Variants in KCNMB2 observed in about 807,000 individuals in gnomAD.
KCNMB2 encodes the protein calcium-activated potassium channel subunit beta-2.
Under a neutral mutation model 24.5 loss-of-function variants are expected in KCNMB2, and 9 were observed. The observed-to-expected ratio is 0.37, with a 90% CI of 0.22 to 0.64. The LOEUF is 0.64. Among genes scored for constraint, KCNMB2 ranks in the 30% least tolerant of loss-of-function variants. The pLI is 0.63. For synonymous variants in KCNMB2, 109 were observed against 104.4 expected (o/e 1.04, Z -0.27); for missense variants, 226 against 284.3 (o/e 0.79, Z 1.47).
chr3:178,786,984 C>A (rs945748678), intron 1 of KCNMB2, among the ~76,000 whole-genome samples: 1 of 152,058 alleles, frequency 6.6e-6, no homozygotes, highest in Non-Finnish European at 1.5e-5. Context: ...GTGAAAGGAA[C>A]CTTAGACTCA....
At chr3:178,663,796 A>G (rs1480623252) in intron 1 of KCNMB2, among the ~76,000 whole-genome samples, 1 of 152,126 alleles carries the variant, frequency 6.6e-6, no homozygotes, top group East Asian at 1.9e-4. Flanking sequence ...GGCTTTCCCT[A>G]TAGGCATCTG....
intron 1 of KCNMB2, among the ~76,000 whole-genome samples, chr3:178,778,466 A>ACGCACGTGCGCGCGCGCGCG (rs1335954249): frequency 2.3e-5 from 2 of 88,466 alleles, no homozygotes; most frequent in African/African-American, 1.0e-4. Context: ...ACACACACAC[A>ACGCACGTGCGCGCGCGCGCG]CACACACACA....
intron 1 of KCNMB2, among the ~76,000 whole-genome samples, chr3:178,617,574 G>A (rs1718752688): frequency 6.7e-6 from 1 of 149,438 alleles, no homozygotes; most frequent in Non-Finnish European, 1.5e-5. Flanking sequence ...AAAGGTGAAA[G>A]TATCAAAATA....
At chr3:178,826,259 C>T (rs1393620658) in intron 3 of KCNMB2, among the ~76,000 whole-genome samples, 2 of 152,148 alleles carry the variant, frequency 1.3e-5, no homozygotes, top group South Asian at 2.1e-4. Flanking sequence ...CCCAGAAACT[C>T]TTAAAAATGC....
At chr3:178,817,594 T>C (rs908118449) in intron 2 of KCNMB2, among the ~76,000 whole-genome samples, 4 of 152,144 alleles carry the variant, frequency 2.6e-5, no homozygotes, top group South Asian at 2.1e-4. Context: ...CATTGCCTCA[T>C]AGGTACACCT....
At chr3:178,836,840 T>C (rs961758094) in intron 4 of KCNMB2, among the ~76,000 whole-genome samples, 15 of 152,200 alleles carry the variant, frequency 9.9e-5, no homozygotes, top group African/African-American at 3.1e-4. Flanking sequence ...GATGTTTATT[T>C]TTTCTATCTA....
At chr3:178,658,191 A>G (rs897150585) in intron 1 of KCNMB2, among the ~76,000 whole-genome samples, 4 of 152,234 alleles carry the variant, frequency 2.6e-5, no homozygotes, top group African/African-American at 4.8e-5. Flanking sequence ...ATAGATGATG[A>G]GAGGGAAGAG....
chr3:178,742,131 G>A (rs1023947367), intron 1 of KCNMB2, among the ~76,000 whole-genome samples: 1 of 152,160 alleles, frequency 6.6e-6, no homozygotes, highest in Admixed American at 6.5e-5. Context: ...CCTTATAAAG[G>A]CAGTTTCACT....
intron 1 of KCNMB2, among the ~76,000 whole-genome samples, chr3:178,745,797 G>T (rs1467379269): frequency 1.2e-4 from 18 of 152,200 alleles, no homozygotes. Flanking sequence ...ATCCAGCAGG[G>T]CAATCAAATC....
chr3:178,736,440 C>T (rs1411552183), intron 1 of KCNMB2, among the ~76,000 whole-genome samples: 2 of 152,216 alleles, frequency 1.3e-5, no homozygotes, highest in African/African-American at 4.8e-5. Context: ...CACCAAAGAA[C>T]AGACTGTGCT....
chr3:178,804,228 A>C (rs1713878492), intron 1 of KCNMB2, among the ~76,000 whole-genome samples: 1 of 152,222 alleles, frequency 6.6e-6, no homozygotes. Flanking sequence ...TAAAATGAGC[A>C]AAATTGAATT....
chr3:178,696,350 C>A (rs1374370411), intron 1 of KCNMB2, among the ~76,000 whole-genome samples: 5 of 152,090 alleles, frequency 3.3e-5, no homozygotes. Flanking sequence ...CAGGAATTTA[C>A]CCATTTCTTC....
chr3:178,637,661 G>C (rs1055082406), intron 1 of KCNMB2, among the ~76,000 whole-genome samples: 3 of 152,184 alleles, frequency 2.0e-5, no homozygotes, highest in Non-Finnish European at 4.4e-5. Flanking sequence ...AGGTCATACA[G>C]GGATAGATGG....
chr3:178,648,022 C>CAA (rs1222402386), intron 1 of KCNMB2, among the ~76,000 whole-genome samples: 1 of 152,034 alleles, frequency 6.6e-6, no homozygotes, highest in Admixed American at 6.6e-5. Flanking sequence ...TTCAAGTGCA[C>CAA]AACACTGAAT....
intron 1 of KCNMB2, among the ~76,000 whole-genome samples, chr3:178,754,614 G>C (rs550471001): frequency 2.0e-5 from 3 of 152,312 alleles, no homozygotes; most frequent in South Asian, 4.2e-4. Flanking sequence ...GCACTTGGAT[G>C]AATCATTGAG....
chr3:178,640,745 G>T (rs1450286829), intron 1 of KCNMB2, among the ~76,000 whole-genome samples: 1 of 152,044 alleles, frequency 6.6e-6, no homozygotes, highest in Admixed American at 6.5e-5. Flanking sequence ...TGTGCTTTGG[G>T]GGTTGTACTA....
intron 1 of KCNMB2, among the ~76,000 whole-genome samples, chr3:178,693,095 A>AT (rs1360301123): frequency 6.6e-6 from 1 of 152,106 alleles, no homozygotes; most frequent in Non-Finnish European, 1.5e-5. Context: ...TTGCACATTG[A>AT]TTTTGTATCC....
At chr3:178,708,307 T>C (rs1354747391) in intron 1 of KCNMB2, among the ~76,000 whole-genome samples, 1 of 152,102 alleles carries the variant, frequency 6.6e-6, no homozygotes, top group Non-Finnish European at 1.5e-5. Context: ...GTGGTGGTAA[T>C]ATGTAATAAT....
chr3:178,797,280 C>T (rs950768770), intron 1 of KCNMB2, among the ~76,000 whole-genome samples: 11 of 152,138 alleles, frequency 7.2e-5, no homozygotes, highest in African/African-American at 2.4e-4. Context: ...GACCTAATGG[C>T]TTCACTGCTG....
Sources: gnomAD v4.1 joint callset for allele counts (sites outside exome capture counted in the v4.1 genomes callset) on GRCh38, gnomAD v4.1.1 for gene constraint, MANE v1.5 for transcripts, NCBI Gene and HGNC (gene_info 2026-07-23, HGNC 2026-07-21) for gene names.